Variants in TPO observed in about 807,000 individuals in gnomAD.
TPO encodes the protein thyroid microsomal antigen.
A neutral mutation model predicts 96.9 loss-of-function variants in TPO; 78 were observed. The observed-to-expected ratio is 0.81, with a 90% CI of 0.67 to 0.97. The LOEUF is 0.97. Ranked by LOEUF, TPO falls within the 50% of genes least tolerant of loss-of-function variation. The pLI is 0.00. For missense variants in TPO, 1,252 were observed against 1,274.8 expected, an observed-to-expected ratio of 0.98 and a Z score of 0.27; for synonymous variants, 547 against 538.0, an observed-to-expected ratio of 1.02 and a Z score of -0.23.
intron 1 of TPO, among the ~76,000 whole-genome samples, chr2:1,399,501 A>G (rs935577333): frequency 2.6e-5 from 4 of 152,250 alleles, no homozygotes; most frequent in African/African-American, 9.6e-5. Context: ...ATAACTGATA[A>G]TAAAACAGAA....
At chr2:1,409,158 G>A (rs1443134822), upstream of TPO, among the ~76,000 whole-genome samples, 1 of 152,154 alleles carries the variant, frequency 6.6e-6, no homozygotes, top group Non-Finnish European at 1.5e-5. Context: ...TCCATGAGAG[G>A]AGCCTCGCAC....
intron 7 of TPO, among the ~76,000 whole-genome samples, chr2:1,473,864 A>G (rs1430808005): frequency 6.6e-6 from 1 of 152,172 alleles, no homozygotes; most frequent in East Asian, 1.9e-4. Context: ...ACTTATCCTC[A>G]GATCGAAGAC....
chr2:1,489,001 G>A (rs889214665), intron 10 of TPO, among the ~76,000 whole-genome samples: 3 of 152,196 alleles, frequency 2.0e-5, no homozygotes, highest in African/African-American at 7.2e-5. Context: ...CCAGAGCTCA[G>A]GGAGCACAGC....
chr2:1,413,635 G>A, intron 1 of TPO, 90 bp downstream of exon 1: 1 of 981,836 alleles, frequency 1.0e-6, no homozygotes, highest in South Asian at 4.7e-5. Context: ...CTGTAATTTG[G>A]GCCATTATAG....
chr2:1,424,155 T>A (rs1211811929), intron 3 of TPO, among the ~76,000 whole-genome samples: 1 of 152,188 alleles, frequency 6.6e-6, no homozygotes, highest in Non-Finnish European at 1.5e-5. Context: ...TAGAGAGACA[T>A]AAGACATCAA....
chr2:1,413,076 G>A (rs1207317937), upstream of TPO, among the ~76,000 whole-genome samples: 3 of 152,144 alleles, frequency 2.0e-5, no homozygotes, highest in African/African-American at 2.4e-5. Context: ...GTTGTAGAGC[G>A]AGTCATCGGT....
At chr2:1,384,869 A>T (rs951607380) in intron 1 of TPO, among the ~76,000 whole-genome samples, 1 of 152,174 alleles carries the variant, frequency 6.6e-6, no homozygotes, top group Non-Finnish European at 1.5e-5. Context: ...AGCTGTTATT[A>T]TTTTTAGATA....
At chr2:1,497,991 CAAAAA>C (rs543921082) in intron 13 of TPO, among the ~76,000 whole-genome samples, 2 of 87,296 alleles carry the variant, frequency 2.3e-5, no homozygotes, top group African/African-American at 9.5e-5. Flanking sequence ...CCCCATCTAC[CAAAAA>C]AAAAAAAAAA....
intron 2 of TPO, among the ~76,000 whole-genome samples, chr2:1,419,326 T>C (rs1048621130): frequency 1.3e-5 from 2 of 152,084 alleles, no homozygotes; most frequent in African/African-American, 2.4e-5. Flanking sequence ...GCCTCTTCCC[T>C]GGGATTGCTG....
chr2:1,520,294 C>T (rs956837385), intron 15 of TPO, among the ~76,000 whole-genome samples: 6 of 152,180 alleles, frequency 3.9e-5, no homozygotes, highest in African/African-American at 1.4e-4. Flanking sequence ...GTGTCTTATT[C>T]TTCAGCTTTT....
intron 1 of TPO, among the ~76,000 whole-genome samples, chr2:1,397,338 G>A (rs984842156): frequency 2.0e-5 from 3 of 152,150 alleles, no homozygotes; most frequent in Non-Finnish European, 4.4e-5. Context: ...GAAACATAGG[G>A]CATGACATGG....
At chr2:1,422,349 T>G in intron 2 of TPO, among the ~76,000 whole-genome samples, 2 of 139,836 alleles carry the variant, frequency 1.4e-5, no homozygotes, top group African/African-American at 2.5e-5. Flanking sequence ...TGGACCGACC[T>G]CGTGCAGGCG....
At chr2:1,494,612 A>T (rs746819130) in intron 11 of TPO, among the ~76,000 whole-genome samples, 18 of 152,242 alleles carry the variant, frequency 1.2e-4, no homozygotes, top group Non-Finnish European at 1.6e-4. Flanking sequence ...AGGGAGTCAG[A>T]GGCAGATCCT....
chr2:1,511,129 G>A (rs13400150), intron 14 of TPO, among the ~76,000 whole-genome samples: 21,367 of 151,552 alleles, frequency 0.14, 1,647 homozygotes, highest in African/African-American at 0.19. Flanking sequence ...CTAACGTTGC[G>A]GTTAAAGGAA....
At chr2:1,505,180 T>TG (rs1443880238) in intron 14 of TPO, among the ~76,000 whole-genome samples, 3 of 152,148 alleles carry the variant, frequency 2.0e-5, no homozygotes, top group Non-Finnish European at 2.9e-5. Flanking sequence ...AGGCTCTTTC[T>TG]GGGGCTCTCA....
chr2:1,527,366 C>CT, intron 15 of TPO, among the ~76,000 whole-genome samples: 1 of 144,986 alleles, frequency 6.9e-6, no homozygotes, highest in African/African-American at 2.6e-5. Context: ...TCCCCAAATC[C>CT]CCGCACTGTG....
intron 15 of TPO, among the ~76,000 whole-genome samples, chr2:1,519,632 C>T (rs963603765): frequency 5.9e-5 from 9 of 152,156 alleles, no homozygotes; most frequent in African/African-American, 2.2e-4. Flanking sequence ...TTAAAACCCT[C>T]AGCTAACCAT....
Position 1,496,779 on chromosome 2 carries a change from T to A in TPO, c.2386+14T>A. The A allele has an allele frequency of 1.9e-6, 3 of 1,614,176 alleles. No homozygotes were observed. The highest frequency in any genetic ancestry group is 1.7e-4 in the Middle Eastern group (1 of 6,022). ...CCCTCTGCAAAGGTCAGTCCTTTCT[T>A]CAATGACAATTACAAAACATCTGAA... is the stretch of plus-strand genomic sequence containing the variant. On this transcript the variant is annotated intron_variant, in intron 13 of 16. Transcript: ENST00000329066.
rs188600037 is a variant in TPO, at chr2:1,399,774, C to A, written n.180+25372C>A. Among the ~76,000 whole-genome samples the A allele has an allele frequency of 2.0e-5, 3 of 152,338 alleles. No homozygotes were observed. In the East Asian group the frequency reaches 5.8e-4, roughly 29 times the overall value. The stretch of plus-strand genomic sequence containing the variant: ...CAATCTGCCTTCCTTGCATGAATTT[C>A]TCTGAAGGACACCTGTCTTCACTCA... On this transcript the variant is annotated intron_variant and non_coding_transcript_variant, in intron 1 of 5. Coordinates refer to the TPO transcript ENST00000497517.
Sources: allele counts gnomAD v4.1 joint callset (sites outside exome capture counted in the v4.1 genomes callset), GRCh38; gene constraint gnomAD v4.1.1; transcripts MANE v1.5; gene names NCBI Gene and HGNC (gene_info 2026-07-23, HGNC 2026-07-21).